Variants in CLEC16A observed in about 807,000 individuals in gnomAD.
The protein encoded by CLEC16A is protein CLEC16A.
Under a neutral mutation model 109.5 loss-of-function variants are expected in CLEC16A, and 51 were observed. The ratio of observed to expected loss-of-function variants is 0.47; its 90% CI spans 0.37 to 0.59. The LOEUF is 0.59. CLEC16A is among the 20% of genes least tolerant of loss of function. The pLI, the probability that CLEC16A is intolerant of heterozygous loss-of-function variation, is 0.00. For synonymous variants in CLEC16A, 673 were observed against 564.2 expected, an observed-to-expected ratio of 1.19 and a Z score of -2.73; for missense variants, 1,339 against 1,394.0, an observed-to-expected ratio of 0.96 and a Z score of 0.63.
At chr16:11,003,463 C>A (rs1013300143) in intron 11 of CLEC16A, among the ~76,000 whole-genome samples, 158 bp downstream of exon 11, 9 of 152,162 alleles carry the variant, frequency 5.9e-5, no homozygotes, top group Non-Finnish European at 1.0e-4. Context: ...TTCTATACAG[C>A]CCTGCCACTC....
At chr16:10,989,869 C>G (rs1221723608) in intron 10 of CLEC16A, among the ~76,000 whole-genome samples, 1 of 152,236 alleles carries the variant, frequency 6.6e-6, no homozygotes, top group Non-Finnish European at 1.5e-5. Flanking sequence ...CTGGTCGCTG[C>G]TGCAGGGCTT....
intron 11 of CLEC16A, among the ~76,000 whole-genome samples, chr16:11,015,109 C>G (rs763167561): frequency 1.3e-5 from 2 of 152,176 alleles, no homozygotes; most frequent in African/African-American, 2.4e-5. Context: ...TTGGATAAAA[C>G]TATCAAAAAG....
At chr16:11,095,542 T>G (rs1186623993) in intron 19 of CLEC16A, among the ~76,000 whole-genome samples, 1 of 152,206 alleles carries the variant, frequency 6.6e-6, no homozygotes, top group Non-Finnish European at 1.5e-5. Context: ...CCGGGCACGA[T>G]GGCTCACGCC....
chr16:11,101,751 C>G (rs1232075285), intron 19 of CLEC16A, among the ~76,000 whole-genome samples: 3 of 152,020 alleles, frequency 2.0e-5, no homozygotes. Flanking sequence ...TTATTTTGCC[C>G]TTCATGAATT....
intron 22 of CLEC16A, among the ~76,000 whole-genome samples, chr16:11,131,976 C>T (rs1301702927): frequency 2.0e-5 from 3 of 152,230 alleles, no homozygotes; most frequent in African/African-American, 7.2e-5. Context: ...GGTTCCTTCT[C>T]AGCACTCAGG....
intron 11 of CLEC16A, among the ~76,000 whole-genome samples, chr16:11,004,609 C>G (rs2044878519): frequency 6.6e-6 from 1 of 152,176 alleles, no homozygotes; most frequent in African/African-American, 2.4e-5. Context: ...CGTTCAGTGA[C>G]TGGGAGCTCA....
At chr16:11,059,674 C>G (rs1297357783) in intron 18 of CLEC16A, among the ~76,000 whole-genome samples, 2 of 152,202 alleles carry the variant, frequency 1.3e-5, no homozygotes, top group Non-Finnish European at 2.9e-5. Flanking sequence ...CAAGAAGACC[C>G]AAAGGCGCAC....
intron 11 of CLEC16A, among the ~76,000 whole-genome samples, chr16:11,004,843 T>G (rs773950608): frequency 6.6e-6 from 1 of 152,092 alleles, no homozygotes; most frequent in Non-Finnish European, 1.5e-5. Context: ...TGTTTTGGTT[T>G]AGGAATTCAT....
intron 11 of CLEC16A, among the ~76,000 whole-genome samples, chr16:11,016,974 G>T (rs2045791502): frequency 7.2e-6 from 1 of 138,356 alleles, no homozygotes; most frequent in Non-Finnish European, 1.6e-5. Context: ...CCTCACATAG[G>T]GCCGGGGCCC....
At chr16:10,977,482 G>A in intron 8 of CLEC16A, 83 bp downstream of exon 8, 2 of 1,243,134 alleles carry the variant, frequency 1.6e-6, no homozygotes, top group Non-Finnish European at 2.2e-6. Flanking sequence ...GAATGGGGCT[G>A]AGCATTGCAA....
intron 15 of CLEC16A, among the ~76,000 whole-genome samples, chr16:11,042,725 AAT>A (rs755070738): frequency 6.6e-6 from 1 of 152,236 alleles, no homozygotes; most frequent in East Asian, 1.9e-4. Flanking sequence ...TTGTGTTTAA[AAT>A]ATATGTTAAA....
At chr16:11,133,723 T>A (rs974801339) in intron 22 of CLEC16A, among the ~76,000 whole-genome samples, 1 of 152,194 alleles carries the variant, frequency 6.6e-6, no homozygotes, top group Non-Finnish European at 1.5e-5. Context: ...AGTCCTCTTA[T>A]TTTTCTTGTT....
chr16:11,152,845 C>G (rs1370836848), intron 22 of CLEC16A, among the ~76,000 whole-genome samples: 1 of 152,120 alleles, frequency 6.6e-6, no homozygotes, highest in Non-Finnish European at 1.5e-5. Context: ...TCCAGTCTGT[C>G]AATATTTGGG....
At chr16:10,960,344 C>T (rs1323311790) in intron 2 of CLEC16A, among the ~76,000 whole-genome samples, 1 of 152,142 alleles carries the variant, frequency 6.6e-6, no homozygotes, top group Non-Finnish European at 1.5e-5. Flanking sequence ...GTTTTTGCCA[C>T]CCTGAAAGTT....
intron 10 of CLEC16A, among the ~76,000 whole-genome samples, chr16:11,000,303 C>T (rs1392362132): frequency 6.6e-6 from 1 of 152,210 alleles, no homozygotes; most frequent in Non-Finnish European, 1.5e-5. Flanking sequence ...TTCGTCAGTT[C>T]TGCCAGTTTG....
At chr16:11,087,730 T>C (rs754371343) in intron 19 of CLEC16A, among the ~76,000 whole-genome samples, 1 of 152,254 alleles carries the variant, frequency 6.6e-6, no homozygotes, top group Non-Finnish European at 1.5e-5. Flanking sequence ...GCAGCTCTGC[T>C]GGACAGATTC....
intron 17 of CLEC16A, 65 bp downstream of exon 17, chr16:11,047,407 C>A (rs371938939): frequency 7.6e-7 from 1 of 1,311,052 alleles, no homozygotes. Context: ...GCTCCCCCTG[C>A]CCATCCCAGA....
intron 19 of CLEC16A, among the ~76,000 whole-genome samples, chr16:11,071,554 A>G (rs2049070462): frequency 6.6e-6 from 1 of 151,654 alleles, no homozygotes; most frequent in South Asian, 2.1e-4. Context: ...AGACATTTGC[A>G]TATGGATTGT....
intron 13 of CLEC16A, 40 bp from the exon 14 acceptor site, chr16:11,039,714 G>T: frequency 6.4e-7 from 1 of 1,567,470 alleles, no homozygotes; most frequent in Non-Finnish European, 8.6e-7. Context: ...AGGTCAGGTA[G>T]TCAGGAGGCC....
Sources: gnomAD v4.1 joint callset for allele counts (sites outside exome capture counted in the v4.1 genomes callset) on GRCh38, gnomAD v4.1.1 for gene constraint, MANE v1.5 for transcripts, NCBI Gene and HGNC (gene_info 2026-07-23, HGNC 2026-07-21) for gene names.